The following SLC4A7 variants were observed in gnomAD, a reference collection of about 807,000 sequenced individuals.
The protein encoded by SLC4A7 is solute carrier family 4 member 7, also known as sodium bicarbonate cotransporter 3.
SLC4A7 carries 51 observed loss-of-function variants against 137.6 expected under a neutral mutation model. The ratio of observed to expected loss-of-function variants is 0.37; its 90% CI spans 0.30 to 0.47. SLC4A7 has a LOEUF of 0.47. SLC4A7 is among the 20% of genes least tolerant of loss of function. The pLI, the probability that SLC4A7 is intolerant of heterozygous loss-of-function variation, is 1.00. For missense variants in SLC4A7, 1,247 were observed against 1,525.4 expected (o/e 0.82, Z 3.04); for synonymous variants, 542 against 518.6 (o/e 1.05, Z -0.61).
intron 8 of SLC4A7, chr3:27,423,810 T>C: frequency 2.4e-6 from 1 of 422,404 alleles, no homozygotes; most frequent in South Asian, 4.8e-5. Context: ...TTTCAGAATT[T>C]CTAACACTAG....
rs558080572 is a variant in SLC4A7, at chr3:27,465,819, T to C, written c.61-13321A>G. Among the ~76,000 whole-genome samples, 166 of 151,656 alleles carry C rather than the reference T, an allele frequency of 1.1e-3. 1 individual carries two copies. Among genetic ancestry groups the C allele is most frequent in the African/African-American group, 3.7e-3 (152 of 41,354 alleles). ...AATACAAAAAATTAGCCAGGCGTGG[T>C]GGCTGGCACCTGTAGTCCCAGCTAC... On this transcript the variant is annotated intron_variant, in intron 1 of 25. Transcript: ENST00000454389.
intron 1 of SLC4A7, among the ~76,000 whole-genome samples, chr3:27,472,845 C>T (rs561242831): frequency 5.9e-5 from 9 of 152,266 alleles, no homozygotes; most frequent in Admixed American, 2.0e-4. Context: ...TTTGGGAGGC[C>T]GAGGCGGGCA....
At chr3:27,414,997 G>A (rs750665279) in intron 11 of SLC4A7, among the ~76,000 whole-genome samples, 1 of 152,104 alleles carries the variant, frequency 6.6e-6, no homozygotes, top group Non-Finnish European at 1.5e-5. Context: ...TGCCTTCAAC[G>A]GTGTAATCCT....
At chr3:27,386,884 T>C (rs182003883) in intron 22 of SLC4A7, among the ~76,000 whole-genome samples, 1 of 152,290 alleles carries the variant, frequency 6.6e-6, no homozygotes, top group Admixed American at 6.5e-5. Flanking sequence ...GAACATGGTC[T>C]CAGATAAGGA....
chr3:27,442,636 C>G (rs915120754), intron 3 of SLC4A7, among the ~76,000 whole-genome samples: 1 of 152,006 alleles, frequency 6.6e-6, no homozygotes, highest in Admixed American at 6.5e-5. Flanking sequence ...TTCTTAAACC[C>G]CTGAGCTCAA....
At chr3:27,379,386 A>G (rs1242673329) in intron 24 of SLC4A7, 30 bp from the exon 25 acceptor site, 1 of 1,156,646 alleles carries the variant, frequency 8.6e-7, no homozygotes. Flanking sequence ...TTTGGTTAGT[A>G]TTCAGTACTT....
At chr3:27,399,908 C>T (rs765845598) in intron 16 of SLC4A7, among the ~76,000 whole-genome samples, 6 of 152,138 alleles carry the variant, frequency 3.9e-5, no homozygotes. Flanking sequence ...TTTAAATAGA[C>T]ACACGTGGCT....
chr3:27,471,856 C>T (rs548633533), intron 1 of SLC4A7, among the ~76,000 whole-genome samples: 2 of 152,178 alleles, frequency 1.3e-5, no homozygotes, highest in Non-Finnish European at 2.9e-5. Context: ...CCAACAGACC[C>T]AACAAAAATT....
intron 20 of SLC4A7, among the ~76,000 whole-genome samples, chr3:27,393,891 T>C (rs2051856135): frequency 6.6e-6 from 1 of 152,204 alleles, no homozygotes; most frequent in Admixed American, 6.5e-5. Context: ...GACACAACTT[T>C]AGGTCAGCAG....
rs1435040063 is a variant in SLC4A7 at position 27,452,444 on chromosome 3, T to C, written c.115A>G (p.Thr39Ala). 6 of 1,604,338 alleles carry C rather than the reference T, an allele frequency of 3.7e-6. No homozygotes were observed. The highest frequency in any genetic ancestry group is 4.2e-6 in the Non-Finnish European group (5 of 1,177,974). The change falls in exon 2 of 26, where the codon ACC becomes GCC. Residue 39 changes from threonine to alanine, a missense_variant. Physicochemically the swap from Thr to Ala is moderately conservative, Grantham distance 58. Coordinates refer to ENST00000454389, the MANE Select transcript of SLC4A7 (RefSeq NM_001321103.2). ...DLGKTSSTVN[T>A]KFEKEELESH... ...TCTAGTTCTTCTTTTTCAAACTTGGTGTTCACAGTTGAGCTAGTTTTGCCA... is the reference window on the plus strand; with the variant it reads ...TCTAGTTCTTCTTTTTCAAACTTGGCGTTCACAGTTGAGCTAGTTTTGCCA...
intron 1 of SLC4A7, among the ~76,000 whole-genome samples, chr3:27,476,884 A>T (rs147528443): frequency 1.2e-3 from 187 of 152,202 alleles, no homozygotes; most frequent in African/African-American, 4.0e-3. Context: ...CCTAACATTC[A>T]TCCATTGAAC....
At chr3:27,425,624 CAA>C (rs2150331743) in intron 7 of SLC4A7, among the ~76,000 whole-genome samples, 1 of 124,890 alleles carries the variant, frequency 8.0e-6, no homozygotes, top group East Asian at 2.2e-4. Flanking sequence ...TGCAGTGAGC[CAA>C]GATTGCACCA....
intron 3 of SLC4A7, 32 bp from the exon 4 acceptor site, chr3:27,437,558 AT>A (rs758847039): frequency 1.2e-5 from 17 of 1,441,636 alleles, no homozygotes. Flanking sequence ...ATATACTCAA[AT>A]TTTTCCTCAA....
chr3:27,454,613 C>G (rs558497964), intron 1 of SLC4A7, among the ~76,000 whole-genome samples: 1 of 152,312 alleles, frequency 6.6e-6, no homozygotes, highest in Admixed American at 6.5e-5. Context: ...TAATTTCCAT[C>G]CATCAACCAA....
At chr3:27,420,652 C>T (rs1415501151) in intron 10 of SLC4A7, 48 bp downstream of exon 10, 1 of 1,160,542 alleles carries the variant, frequency 8.6e-7, no homozygotes. Flanking sequence ...ATACTATATG[C>T]TGCATAATTA....
Position 27,404,936 on chromosome 3 carries a change from A to T in SLC4A7, c.1969T>A (p.Ser657Thr). ...AATGAATAGGCAATCCCAGTTAATG[A>T]TGCTCCAAAAAGAGACTCTATTGCA... ...ISAIESLFGA[S>T]LTGIAYSLFA... Residue 657 changes from serine (S) to threonine (T), a missense_variant, in exon 14 of 26, where the codon TCA (serine) becomes ACA (threonine). Coordinates refer to ENST00000454389, the MANE Select transcript of SLC4A7 (RefSeq NM_001321103.2). The T allele has an allele frequency of 3.7e-6, 6 of 1,607,352 alleles. No individual in the cohort carries two copies. The highest frequency in any genetic ancestry group is 5.1e-6 in the Non-Finnish European group (6 of 1,178,090).
chr3:27,400,416 G>A (rs1341346359), intron 16 of SLC4A7, among the ~76,000 whole-genome samples: 1 of 152,154 alleles, frequency 6.6e-6, no homozygotes, highest in Admixed American at 6.5e-5. Flanking sequence ...ATAAAATATT[G>A]TAAAGGACAG....
Position 27,388,720 on chromosome 3 carries a change from G to A in SLC4A7, c.3360+1211C>T, listed in dbSNP as rs901453082. Reference sequence around the variant, plus strand: ...ATAAACATTTGGAATTAATTTGATGGTAGAAAACAATAACCATGAATCCCA... The same window carrying A: ...ATAAACATTTGGAATTAATTTGATGATAGAAAACAATAACCATGAATCCCA... On this transcript the variant is annotated intron_variant, in intron 22 of 25. Transcript: ENST00000454389. 2.0e-5 allele frequency among the ~76,000 whole-genome samples: 3 copies of A among 151,810 alleles called. No individual in the cohort carries two copies. The South Asian group carries it at 6.2e-4, about 32-fold the overall frequency.
intron 18 of SLC4A7, among the ~76,000 whole-genome samples, chr3:27,396,974 C>T (rs546875039): frequency 5.9e-5 from 9 of 152,148 alleles, no homozygotes; most frequent in African/African-American, 2.2e-4. Context: ...AGATATACTA[C>T]CCTTCTAGAA....
Sources: allele counts gnomAD v4.1 joint callset (sites outside exome capture counted in the v4.1 genomes callset), GRCh38; gene constraint gnomAD v4.1.1; transcripts MANE v1.5; gene names NCBI Gene and HGNC (gene_info 2026-07-23, HGNC 2026-07-21).